The following GALNT13 variants were observed in gnomAD, a reference collection of about 807,000 sequenced individuals.
GALNT13 encodes the protein UDP-GalNAc:polypeptide N-acetylgalactosaminyltransferase 13.
GALNT13 carries 28 observed loss-of-function variants against 64.2 expected under a neutral mutation model. The observed-to-expected ratio is 0.44, with a 90% CI of 0.32 to 0.60. The LOEUF is 0.60. Among genes scored for constraint, GALNT13 ranks in the 20% least tolerant of loss-of-function variants. The pLI is 0.05. For synonymous variants in GALNT13, 214 were observed against 224.6 expected, an observed-to-expected ratio of 0.95 and a Z score of 0.42; for missense variants, 577 against 669.8, an observed-to-expected ratio of 0.86 and a Z score of 1.53.
chr2:153,497,010 A>G, the GALNT13 span, among the ~76,000 whole-genome samples: 40 of 151,376 alleles, frequency 2.6e-4, no homozygotes, highest in East Asian at 5.2e-3. Flanking sequence ...AAAAAAAAAA[A>G]AAAGAAAAAA....
chr2:153,214,989 T>G, the GALNT13 span, among the ~76,000 whole-genome samples: 1 of 152,128 alleles, frequency 6.6e-6, no homozygotes, highest in African/African-American at 2.4e-5. Flanking sequence ...AGAATGAGTT[T>G]GAATCCCCTT....
chr2:154,423,984 G>A (rs1700365198), intron 11 of GALNT13, among the ~76,000 whole-genome samples: 1 of 152,140 alleles, frequency 6.6e-6, no homozygotes, highest in East Asian at 1.9e-4. Flanking sequence ...CCAGCCATGA[G>A]ATAAACATTA....
the GALNT13 span, among the ~76,000 whole-genome samples, chr2:153,666,017 G>T: frequency 0.24 from 36,872 of 151,920 alleles, 5,188 homozygotes; most frequent in Admixed American, 0.36. Flanking sequence ...TGGCTGTCTT[G>T]CCCATGGGAT....
the GALNT13 span, among the ~76,000 whole-genome samples, chr2:153,675,365 C>T: frequency 6.6e-6 from 1 of 152,104 alleles, no homozygotes; most frequent in Admixed American, 6.6e-5. Context: ...ACTATGCAGC[C>T]ATAAAAAAGA....
intron 4 of GALNT13, among the ~76,000 whole-genome samples, chr2:154,141,629 A>G (rs993723832): frequency 1.1e-4 from 16 of 152,188 alleles, no homozygotes; most frequent in African/African-American, 3.9e-4. Context: ...TCATTGGGTA[A>G]TGCATGGCTG....
chr2:154,245,950 C>T lies in GALNT13; in HGVS notation c.825C>T (p.Asp275=), dbSNP rs1367443760. Residue 275 remains aspartate, a synonymous_variant, in exon 7 of 13, where the codon GAC becomes GAT. Transcript: ENST00000392825. The part of the protein sequence containing the change: ...RWYPVPQREM[D]RRKGDRTLPV... ...ATCCTGTTCCCCAAAGAGAAATGGACAGGAGGAAAGGAGACAGAACATTAC... is the reference window on the plus strand; with the variant it reads ...ATCCTGTTCCCCAAAGAGAAATGGATAGGAGGAAAGGAGACAGAACATTAC... 6.2e-7 allele frequency: 1 copy of T among 1,613,062 alleles called. No individual in the cohort carries two copies. The highest frequency in any genetic ancestry group is 8.5e-7 in the Non-Finnish European group (1 of 1,179,354).
chr2:154,138,397 T>A (rs913215656), intron 3 of GALNT13, among the ~76,000 whole-genome samples: 1 of 152,086 alleles, frequency 6.6e-6, no homozygotes, highest in Non-Finnish European at 1.5e-5. Flanking sequence ...TGTAAACAAC[T>A]GTAAACAGGG....
intron 3 of GALNT13, among the ~76,000 whole-genome samples, chr2:154,119,860 C>G (rs1681831079): frequency 6.6e-6 from 1 of 152,194 alleles, no homozygotes; most frequent in African/African-American, 2.4e-5. Context: ...ATCCATATAT[C>G]CTTGTACTTT....
At chr2:154,410,945 C>T (rs191123323) in intron 11 of GALNT13, among the ~76,000 whole-genome samples, 215 of 152,006 alleles carry the variant, frequency 1.4e-3, no homozygotes, top group Non-Finnish European at 2.7e-3. Flanking sequence ...TAAGCTATCT[C>T]ACTCTACTGC....
the GALNT13 span, among the ~76,000 whole-genome samples, chr2:153,544,525 A>G: frequency 0.05 from 7,578 of 152,288 alleles, 285 homozygotes; most frequent in Non-Finnish European, 0.08. Context: ...ATTTCCTTCT[A>G]TCATCCACAA....
chr2:153,295,772 A>G, the GALNT13 span, among the ~76,000 whole-genome samples: 1 of 152,182 alleles, frequency 6.6e-6, no homozygotes, highest in South Asian at 2.1e-4. Context: ...TTCCAGACAT[A>G]CTGGATCAGG....
At chr2:153,606,758 G>A in the GALNT13 span, among the ~76,000 whole-genome samples, 2 of 151,844 alleles carry the variant, frequency 1.3e-5, no homozygotes, top group Non-Finnish European at 2.9e-5. Context: ...TCTAAAGGTG[G>A]CATTCTGGCC....
the GALNT13 span, among the ~76,000 whole-genome samples, chr2:153,686,431 G>A: frequency 2.0e-5 from 3 of 151,836 alleles, no homozygotes; most frequent in Non-Finnish European, 4.4e-5. Context: ...GTTCATTCCC[G>A]ATTTGGCTCT....
chr2:154,384,274 T>C (rs1391236051), intron 9 of GALNT13, among the ~76,000 whole-genome samples: 4 of 151,960 alleles, frequency 2.6e-5, no homozygotes, highest in African/African-American at 9.7e-5. Context: ...CACTGTTGTC[T>C]CAAATTCTGG....
At chr2:153,433,983 C>A in the GALNT13 span, among the ~76,000 whole-genome samples, 1 of 152,036 alleles carries the variant, frequency 6.6e-6, no homozygotes, top group Non-Finnish European at 1.5e-5. Flanking sequence ...TCCCTGCTCC[C>A]CCCACCCCAC....
chr2:153,385,815 T>A, the GALNT13 span, among the ~76,000 whole-genome samples: 1 of 151,922 alleles, frequency 6.6e-6, no homozygotes, highest in Non-Finnish European at 1.5e-5. Flanking sequence ...AAGTATCTCC[T>A]TTAACCCATA....
intron 9 of GALNT13, among the ~76,000 whole-genome samples, chr2:154,323,031 G>A (rs1010198135): frequency 2.6e-5 from 4 of 152,024 alleles, no homozygotes; most frequent in African/African-American, 4.8e-5. Flanking sequence ...TAGAGCAAAT[G>A]TTTCAAGGGG....
the GALNT13 span, among the ~76,000 whole-genome samples, chr2:153,241,252 G>A: frequency 6.6e-6 from 1 of 152,184 alleles, no homozygotes; most frequent in East Asian, 1.9e-4. Context: ...TCTTCGTCTT[G>A]CCCAGAGAGC....
chr2:153,516,365 G>A, the GALNT13 span, among the ~76,000 whole-genome samples: 1 of 152,158 alleles, frequency 6.6e-6, no homozygotes, highest in Non-Finnish European at 1.5e-5. Flanking sequence ...TAAGGAGGTG[G>A]AGAGTTTGAA....
Sources: gnomAD v4.1 joint callset for allele counts (sites outside exome capture counted in the v4.1 genomes callset) on GRCh38, gnomAD v4.1.1 for gene constraint, MANE v1.5 for transcripts, NCBI Gene and HGNC (gene_info 2026-07-23, HGNC 2026-07-21) for gene names.